Variants in IGF2R observed in about 807,000 individuals in gnomAD.
IGF2R encodes cation-independent mannose-6-phosphate receptor.
In IGF2R, 91 loss-of-function variants were observed where a neutral mutation model predicts 270.6. The observed-to-expected ratio is 0.34, with a 90% CI of 0.28 to 0.40. The LOEUF (loss-of-function observed/expected upper bound fraction) is 0.40, where lower values mean the gene tolerates loss of function less well. Among genes scored for constraint, IGF2R ranks in the 10% least tolerant of loss-of-function variants. IGF2R has a pLI of 1.00. For missense variants in IGF2R, 2,805 were observed against 3,188.3 expected (o/e 0.88, Z 2.90); for synonymous variants, 1,316 against 1,258.9 (o/e 1.05, Z -0.96).
intron 9 of IGF2R, 28 bp downstream of exon 9, chr6:160,033,135 C>A: frequency 6.3e-7 from 1 of 1,582,494 alleles, no homozygotes; most frequent in Non-Finnish European, 8.7e-7. Flanking sequence ...GTGCGATTTT[C>A]CTTTTTCTTT....
At chr6:160,042,157 T>A (rs1159215883) in intron 11 of IGF2R, among the ~76,000 whole-genome samples, 5 of 152,216 alleles carry the variant, frequency 3.3e-5, no homozygotes, top group African/African-American at 1.2e-4. Context: ...AAGTAAATTA[T>A]GAAGGGAGAG....
intron 4 of IGF2R, 81 bp from the exon 5 acceptor site, chr6:160,024,491 T>A: frequency 7.5e-7 from 1 of 1,329,698 alleles, no homozygotes; most frequent in East Asian, 2.3e-5. Flanking sequence ...TGGAGAGCAG[T>A]GTTGTGTGAC....
At position 160,032,487 on chromosome 6, in the gene IGF2R, G is replaced by C. The variant is rs1583270602; in HGVS notation, c.883-64G>C. 4.1e-6 allele frequency: 6 copies of C among 1,473,274 alleles called. No homozygotes were observed. The East Asian group carries it at 1.4e-4, about 34-fold the overall frequency. The allele number at this position is 1,473,274 out of a possible 1,614,324, so 91.3% of individuals were successfully genotyped here. On this transcript the variant is annotated intron_variant, in intron 7 of 47. Coordinates refer to ENST00000356956, the MANE Select transcript of IGF2R (RefSeq NM_000876.4). ...TGTCTTTGAGCTTTTCATAAGTGTG[G>C]AAAATCTGCATTAAGCTGCATGAAA...
chr6:160,073,103 T>G (rs1373695916), intron 33 of IGF2R, 110 bp from the exon 34 acceptor site: 47 of 1,445,602 alleles, frequency 3.3e-5, no homozygotes, highest in Non-Finnish European at 4.4e-5. Flanking sequence ...ACACTTGAAG[T>G]TATAAGTGTT....
intron 31 of IGF2R, among the ~76,000 whole-genome samples, chr6:160,070,940 TCTC>T (rs1006792772): frequency 7.2e-5 from 11 of 152,122 alleles, no homozygotes; most frequent in African/African-American, 2.7e-4. Flanking sequence ...CTCTGAGCAT[TCTC>T]CTCTGTGACC....
At chr6:160,052,991 C>T (rs11758264) in intron 19 of IGF2R, among the ~76,000 whole-genome samples, 1 of 152,130 alleles carries the variant, frequency 6.6e-6, no homozygotes, top group Non-Finnish European at 1.5e-5. Context: ...AGAAGAAAAC[C>T]TAAGCAATAC....
chr6:160,084,933 C>G lies in IGF2R; in HGVS notation c.6069-62C>G, dbSNP rs986160834. The stretch of plus-strand genomic sequence containing the variant: ...TCTGAAAGTAAAGTGAAGAGCCCTC[C>G]TGTGTCAGGGCAGAGACGTCACTTG... On this transcript the variant is annotated intron_variant, in intron 40 of 47. Transcript: ENST00000356956. The surrounding 1 kb of genome is among the most constrained non-coding windows in gnomAD (Gnocchi z 4.6). 2 of 1,526,056 alleles carry G rather than the reference C, an allele frequency of 1.3e-6. No individual in the cohort carries two copies. The highest frequency in any genetic ancestry group is 1.8e-6 in the Non-Finnish European group (2 of 1,114,494). The allele number at this position is 1,526,056 out of a possible 1,614,324, so 94.5% of individuals were successfully genotyped here.
At chr6:160,015,606 A>G (rs1194462346) in intron 4 of IGF2R, among the ~76,000 whole-genome samples, 2 of 152,196 alleles carry the variant, frequency 1.3e-5, no homozygotes, top group Non-Finnish European at 2.9e-5. Context: ...CTGTACTGCA[A>G]AGATGTGGCC....
chr6:159,999,955 G>C (rs1784104041), intron 2 of IGF2R, among the ~76,000 whole-genome samples: 1 of 152,146 alleles, frequency 6.6e-6, no homozygotes. Flanking sequence ...ATGACTAAAA[G>C]GTGTTCTAAA....
intron 45 of IGF2R, among the ~76,000 whole-genome samples, chr6:160,098,288 A>T (rs902595920): frequency 1.3e-5 from 2 of 152,152 alleles, no homozygotes; most frequent in Non-Finnish European, 2.9e-5. Flanking sequence ...AGAGAGGAAG[A>T]TTCTCCAGGA....
At chr6:160,019,682 G>T (rs948888282) in intron 4 of IGF2R, among the ~76,000 whole-genome samples, 8 of 151,972 alleles carry the variant, frequency 5.3e-5, no homozygotes, top group African/African-American at 1.7e-4. Context: ...CAATAAATGT[G>T]ATTCACCATT....
At chr6:160,086,130 G>A (rs1422673295) in intron 41 of IGF2R, among the ~76,000 whole-genome samples, 3 of 152,236 alleles carry the variant, frequency 2.0e-5, no homozygotes, top group African/African-American at 7.2e-5. Context: ...GCAAAAGAGA[G>A]TAGTGAACAC....
At chr6:160,012,749 A>ATT (rs1784354475) in intron 4 of IGF2R, among the ~76,000 whole-genome samples, 1 of 70,322 alleles carries the variant, frequency 1.4e-5, no homozygotes, top group South Asian at 4.3e-4. Flanking sequence ...GCTAATTTAT[A>ATT]TATATATATA....
intron 45 of IGF2R, among the ~76,000 whole-genome samples, chr6:160,099,854 A>G (rs1198291309): frequency 6.6e-6 from 1 of 152,188 alleles, no homozygotes; most frequent in Non-Finnish European, 1.5e-5. Flanking sequence ...AATTTCTTAC[A>G]GTGATAGCAT....
At chr6:160,024,206 T>G (rs1218830998) in intron 4 of IGF2R, among the ~76,000 whole-genome samples, 1 of 149,794 alleles carries the variant, frequency 6.7e-6, no homozygotes, top group Non-Finnish European at 1.5e-5. Context: ...ATTGAAGAAA[T>G]TTTGCTCTAA....
Position 160,103,813 on chromosome 6 carries a change from A to G in IGF2R, c.7063A>G (p.Lys2355Glu). ...TTCCAACGTGTCCTACAAATACTCA[A>G]AGGTAATTTTCTGTGGCGAGTCTCT... Reference protein sequence around the residue: ...RSSNVSYKYSKVNKEEETDEN... With the variant: ...RSSNVSYKYSEVNKEEETDEN... Residue 2355 changes from lysine to glutamate, a missense_variant and splice_region_variant, in exon 47 of 48, where the codon AAG becomes GAG. By Grantham distance (56) the Lys-to-Glu change is moderately conservative. Coordinates refer to ENST00000356956, the MANE Select transcript of IGF2R (RefSeq NM_000876.4). 6.2e-7 allele frequency: 1 copy of G among 1,605,660 alleles called. No homozygotes were observed. The highest frequency in any genetic ancestry group is 8.5e-7 in the Non-Finnish European group (1 of 1,172,396).
At chr6:160,041,362 G>A (rs1354153589) in intron 11 of IGF2R, among the ~76,000 whole-genome samples, 1 of 152,152 alleles carries the variant, frequency 6.6e-6, no homozygotes, top group Non-Finnish European at 1.5e-5. Context: ...CTTGCCTCAT[G>A]TAATTACCAC....
chr6:160,011,568 T>TG lies in IGF2R; in HGVS notation c.513+784dup, dbSNP rs66463909. On this transcript the variant is annotated intron_variant, in intron 4 of 47. Transcript: ENST00000356956. ...CATATTTCGTTTTTTTTTTTTTTTT[T>TG]GTGAGGACTCTTAAAATCTACTCTC... is the stretch of plus-strand genomic sequence containing the variant. Among the ~76,000 whole-genome samples the TG allele has an allele frequency of 4.1e-5, 6 of 145,924 alleles. No homozygotes were observed. In the East Asian group the frequency reaches 1.3e-3, roughly 31 times the overall value.
At chr6:159,991,129 A>G in intron 1 of IGF2R, 55 bp from the exon 2 acceptor site, 1 of 1,525,468 alleles carries the variant, frequency 6.6e-7, no homozygotes, top group East Asian at 2.3e-5. Flanking sequence ...ACTAGAGAGA[A>G]GTTTAATTTT....
Sources: gnomAD v4.1 joint callset for allele counts (sites outside exome capture counted in the v4.1 genomes callset) on GRCh38, gnomAD v4.1.1 for gene constraint, Gnocchi (gnomAD v3.1) non-coding constraint, MANE v1.5 for transcripts, NCBI Gene and HGNC (gene_info 2026-07-23, HGNC 2026-07-21) for gene names.